KCNQ5: variants seen among roughly 807,000 people sequenced by gnomAD.
KCNQ5 encodes the protein potassium voltage-gated channel subfamily KQT member 5.
Under a neutral mutation model 98.2 loss-of-function variants are expected in KCNQ5, and 30 were observed. That is an observed-to-expected ratio of 0.31 (90% CI 0.23 to 0.41). The LOEUF is 0.41. Among genes scored for constraint, KCNQ5 ranks in the 10% least tolerant of loss-of-function variants. The probability of loss-of-function intolerance (pLI) is 1.00; values close to 1 mark genes in which losing one functional copy is unlikely to be tolerated. For missense variants in KCNQ5, 835 were observed against 1,182.5 expected, an observed-to-expected ratio of 0.71 and a Z score of 4.31; for synonymous variants, 458 against 449.4, an observed-to-expected ratio of 1.02 and a Z score of -0.24.
chr6:73,001,967 A>T (rs572530185), intron 1 of KCNQ5, among the ~76,000 whole-genome samples: 146 of 148,038 alleles, frequency 9.9e-4, no homozygotes, highest in Middle Eastern at 3.5e-3. Context: ...AAAAAATTTT[A>T]AAAAAAATTA....
chr6:72,684,627 A>G (rs1582110900), intron 1 of KCNQ5, among the ~76,000 whole-genome samples: 1 of 152,326 alleles, frequency 6.6e-6, no homozygotes, highest in East Asian at 1.9e-4. Flanking sequence ...TAATGCAAGA[A>G]AAAGTGTTGT....
chr6:72,686,718 T>G (rs1215475714), intron 1 of KCNQ5, among the ~76,000 whole-genome samples: 3 of 83,630 alleles, frequency 3.6e-5, no homozygotes, highest in African/African-American at 5.0e-5. Context: ...TTATGGGTTG[T>G]TTTTTTTTTT....
intron 1 of KCNQ5, among the ~76,000 whole-genome samples, chr6:72,846,127 C>T (rs1777008000): frequency 6.6e-6 from 1 of 152,152 alleles, no homozygotes; most frequent in Non-Finnish European, 1.5e-5. Context: ...ATGCAAACTA[C>T]TCCAGCTTAG....
At chr6:73,025,006 G>A (rs899875101) in intron 2 of KCNQ5, among the ~76,000 whole-genome samples, 8 of 152,204 alleles carry the variant, frequency 5.3e-5, no homozygotes, top group Non-Finnish European at 1.2e-4. Context: ...GGCACGGGAA[G>A]ATAGGTATTA....
Position 72,746,625 on chromosome 6 carries a change from A to G in KCNQ5, c.398+124038A>G, listed in dbSNP as rs527460324. On this transcript the variant is annotated intron_variant, in intron 1 of 13. Coordinates refer to ENST00000370398, the MANE Select transcript of KCNQ5 (RefSeq NM_019842.4). The stretch of plus-strand genomic sequence containing the variant: ...TCTTGCTTCAACAACTACATTGGAT[A>G]TATTTAGCTGAATGCTTTATTTTGA... Among the ~76,000 whole-genome samples, 25 of 152,332 alleles carry G rather than the reference A, an allele frequency of 1.6e-4. No homozygotes were observed. The South Asian group carries it at 4.8e-3, about 29-fold the overall frequency.
chr6:73,096,833 A>G (rs1341150352), intron 5 of KCNQ5, among the ~76,000 whole-genome samples: 1 of 152,136 alleles, frequency 6.6e-6, no homozygotes, highest in Non-Finnish European at 1.5e-5. Context: ...ATTTGAAGTC[A>G]AAAGTTCAAG....
Position 72,819,694 on chromosome 6 carries a change from C to A in KCNQ5, c.399-184214C>A, listed in dbSNP as rs142896979. ...GGCTTCCAGTCCAGTGTCCCAGGGG[C>A]TCTGGCCGACAGGCTAGCATGAGCC... On this transcript the variant is annotated intron_variant, in intron 1 of 13. Coordinates refer to ENST00000370398, the MANE Select transcript of KCNQ5 (RefSeq NM_019842.4). Among the ~76,000 whole-genome samples the A allele has an allele frequency of 2.3e-3, 352 of 152,320 alleles. 1 individual carries two copies. The highest frequency in any genetic ancestry group is 8.0e-3 in the African/African-American group (332 of 41,570).
chr6:73,186,973 G>C (rs1443697012), intron 11 of KCNQ5, among the ~76,000 whole-genome samples: 1 of 151,716 alleles, frequency 6.6e-6, no homozygotes, highest in African/African-American at 2.4e-5. Context: ...CCTGGGAAGT[G>C]ATGTTCCCCG....
intron 1 of KCNQ5, among the ~76,000 whole-genome samples, chr6:72,640,362 T>TTTATACTA (rs541279237): frequency 4.8e-5 from 7 of 145,792 alleles, no homozygotes; most frequent in African/African-American, 1.7e-4. Flanking sequence ...TTTTTATACT[T>TTTATACTA]TGTAACCATA....
At chr6:72,913,547 T>C (rs1166460988) in intron 1 of KCNQ5, among the ~76,000 whole-genome samples, 1 of 152,230 alleles carries the variant, frequency 6.6e-6, no homozygotes, top group Non-Finnish European at 1.5e-5. Flanking sequence ...ATACAGACAC[T>C]ATTGTGATTA....
intron 1 of KCNQ5, among the ~76,000 whole-genome samples, chr6:72,790,084 G>A (rs1354170501): frequency 1.3e-5 from 2 of 152,178 alleles, no homozygotes; most frequent in African/African-American, 4.8e-5. Context: ...TGTCTCTCCA[G>A]AATTCATTAA....
At chr6:72,833,895 A>G (rs964472959) in intron 1 of KCNQ5, among the ~76,000 whole-genome samples, 5 of 152,144 alleles carry the variant, frequency 3.3e-5, no homozygotes, top group Non-Finnish European at 7.4e-5. Flanking sequence ...GTTGATATCT[A>G]TAGATCTCAA....
At chr6:72,830,483 A>G (rs1776208422) in intron 1 of KCNQ5, among the ~76,000 whole-genome samples, 2 of 152,254 alleles carry the variant, frequency 1.3e-5, no homozygotes, top group African/African-American at 2.4e-5. Context: ...AGGAATGGGG[A>G]AAGGATTCCC....
At chr6:72,639,931 G>C (rs2098926295) in intron 1 of KCNQ5, among the ~76,000 whole-genome samples, 1 of 152,056 alleles carries the variant, frequency 6.6e-6, no homozygotes, top group Admixed American at 6.6e-5. Context: ...TGGAGTTATG[G>C]TAAATAAAAG....
chr6:73,161,135 G>A (rs941983740), intron 10 of KCNQ5, among the ~76,000 whole-genome samples: 1 of 152,310 alleles, frequency 6.6e-6, no homozygotes, highest in Admixed American at 6.5e-5. Flanking sequence ...CCATTAAAAA[G>A]AATGAAATCC....
chr6:72,859,610 T>TCTGC (rs1286143129), intron 1 of KCNQ5, among the ~76,000 whole-genome samples: 1 of 91,452 alleles, frequency 1.1e-5, no homozygotes, highest in Non-Finnish European at 2.4e-5. Flanking sequence ...AGGGTCTCAC[T>TCTGC]CTGTCTGTCG....
intron 1 of KCNQ5, among the ~76,000 whole-genome samples, chr6:72,988,125 T>G (rs1451628254): frequency 3.3e-5 from 5 of 152,186 alleles, no homozygotes; most frequent in Admixed American, 3.3e-4. Flanking sequence ...CGTCCCTGTT[T>G]GAGACATCAA....
intron 10 of KCNQ5, among the ~76,000 whole-genome samples, chr6:73,164,235 G>A (rs1370516392): frequency 6.6e-6 from 1 of 152,094 alleles, no homozygotes; most frequent in Non-Finnish European, 1.5e-5. Flanking sequence ...AGGACTTGGT[G>A]TACTTATGAA....
chr6:72,932,660 C>CTGAT (rs1443035945), intron 1 of KCNQ5, among the ~76,000 whole-genome samples: 1 of 152,232 alleles, frequency 6.6e-6, no homozygotes, highest in East Asian at 1.9e-4. Flanking sequence ...GTAGATCCTC[C>CTGAT]TGATTATCTG....
Sources: allele counts gnomAD v4.1 joint callset (sites outside exome capture counted in the v4.1 genomes callset), GRCh38; gene constraint gnomAD v4.1.1; transcripts MANE v1.5; gene names NCBI Gene and HGNC (gene_info 2026-07-23, HGNC 2026-07-21).